Variants in PCDHGB4 observed in about 807,000 individuals in gnomAD.
The protein encoded by PCDHGB4 is protocadherin gamma-B4.
PCDHGB4 carries 38 observed loss-of-function variants against 60.5 expected under a neutral mutation model. The observed-to-expected ratio is 0.63, with a 90% CI of 0.48 to 0.82. The LOEUF (loss-of-function observed/expected upper bound fraction) is 0.82. Among genes scored for constraint, PCDHGB4 ranks in the 40% least tolerant of loss-of-function variants. The probability of loss-of-function intolerance (pLI) is 0.00; values close to 1 mark genes in which losing one functional copy is unlikely to be tolerated. For synonymous variants in PCDHGB4, 456 were observed against 509.7 expected (o/e 0.89, Z 1.42); for missense variants, 1,109 against 1,209.6 (o/e 0.92, Z 1.23).
chr5:141,477,211 C>G lies in PCDHGB4; in HGVS notation c.2398-17596C>G. 2 of 1,614,154 alleles carry G rather than the reference C, an allele frequency of 1.2e-6. No individual in the cohort carries two copies. Among genetic ancestry groups the G allele is most frequent in the Non-Finnish European group, 1.7e-6 (2 of 1,180,036 alleles). On this transcript the variant is annotated intron_variant, in intron 1 of 3. Transcript: ENST00000519479. The surrounding 1 kb of genome is among the most constrained non-coding windows in gnomAD (Gnocchi z 4.9). ...TGTACAGCCCAGTACCCGAGGATGC[C>G]CCTCTGGGGACTGTCATCGCTTTGC...
At chr5:141,398,633 A>C (rs749131705) in intron 1 of PCDHGB4, 4 of 1,613,946 alleles carry the variant, frequency 2.5e-6, no homozygotes, top group Non-Finnish European at 3.4e-6. Flanking sequence ...TCTCTGCAGA[A>C]GTATAAACTC....
intron 1 of PCDHGB4, chr5:141,426,986 C>T (rs764345099): frequency 1.8e-5 from 8 of 456,618 alleles, no homozygotes; most frequent in South Asian, 7.7e-5. Flanking sequence ...CTGATGCCAA[C>T]GATAATGCCC....
rs549266523 is a variant in PCDHGB4 at position 141,408,917 on chromosome 5, C to A, written c.2397+18636C>A. ...TTCTGTCAAGGATACCAATGATAAC[C>A]CCCCGGTTTTCAGCAGAGACGAATA... On this transcript the variant is annotated intron_variant, in intron 1 of 3. Coordinates refer to ENST00000519479, the MANE Select transcript of PCDHGB4 (RefSeq NM_003736.4). 12 of 1,613,366 alleles carry A rather than the reference C, an allele frequency of 7.4e-6. No homozygotes were observed. In the African/African-American group the frequency reaches 1.6e-4, roughly 22 times the overall value.
chr5:141,485,993 A>C lies in PCDHGB4; in HGVS notation c.2398-8814A>C. 6.2e-7 allele frequency: 1 copy of C among 1,614,210 alleles called. No homozygotes were observed. Among genetic ancestry groups the C allele is most frequent in the Non-Finnish European group, 8.5e-7 (1 of 1,180,028 alleles). On this transcript the variant is annotated intron_variant, in intron 1 of 3. Coordinates refer to ENST00000519479, the MANE Select transcript of PCDHGB4 (RefSeq NM_003736.4). The surrounding 1 kb of genome is among the most constrained non-coding windows in gnomAD (Gnocchi z 5.7). ...TGCCTCAGACCCGGACCTGGGTCCC[A>C]GTGGTAACGTCACCTTTTATTTCAG...
chr5:141,478,671 A>G (rs996413401), intron 1 of PCDHGB4: 19 of 1,551,538 alleles, frequency 1.2e-5, no homozygotes, highest in Non-Finnish European at 1.7e-5. Context: ...TCACACTTTC[A>G]ACTGGCCCTT....
chr5:141,417,613 G>A (rs984573855), intron 1 of PCDHGB4: 2 of 624,312 alleles, frequency 3.2e-6, no homozygotes, highest in African/African-American at 3.7e-5. Flanking sequence ...GTCGGCCAGT[G>A]CAGAGCAAGC....
chr5:141,409,416 T>G (rs770750853), intron 1 of PCDHGB4: 1 of 1,613,964 alleles, frequency 6.2e-7, no homozygotes, highest in South Asian at 1.1e-5. Flanking sequence ...TACAAACTGG[T>G]GACAGATGGA....
rs150106838 is a variant in PCDHGB4, at chr5:141,503,886, T to C, written c.2457-1507T>C. On this transcript the variant is annotated intron_variant, in intron 2 of 3. Coordinates refer to ENST00000519479, the MANE Select transcript of PCDHGB4 (RefSeq NM_003736.4). Reference sequence around the variant, plus strand: ...AGTTCTTGGTTGTGCTCACCCACCATGACAAAATATGCACACACACAACGC... The same window carrying C: ...AGTTCTTGGTTGTGCTCACCCACCACGACAAAATATGCACACACACAACGC... Among the ~76,000 whole-genome samples, 20 of 152,290 alleles carry C rather than the reference T, an allele frequency of 1.3e-4. No individual in the cohort carries two copies. The South Asian group carries it at 3.9e-3, about 30-fold the overall frequency.
intron 1 of PCDHGB4, among the ~76,000 whole-genome samples, chr5:141,437,781 A>G (rs957126405): frequency 7.3e-5 from 11 of 149,878 alleles, no homozygotes; most frequent in Admixed American, 6.7e-5. Flanking sequence ...ATCTGTCGCC[A>G]AGCTGGAGTG....
At chr5:141,503,598 C>CTAA (rs2099824827) in intron 2 of PCDHGB4, among the ~76,000 whole-genome samples, 2 of 65,752 alleles carry the variant, frequency 3.0e-5, no homozygotes, top group African/African-American at 9.3e-5. Flanking sequence ...GACTCCAGCT[C>CTAA]AAAAAAAAAA....
chr5:141,427,405 C>T (rs1209638263), intron 1 of PCDHGB4: 1 of 462,180 alleles, frequency 2.2e-6, no homozygotes, highest in East Asian at 6.8e-5. Context: ...GATAAAGATT[C>T]GAGAGAAAAT....
chr5:141,404,000 A>T (rs758512396), intron 1 of PCDHGB4: 2 of 1,613,956 alleles, frequency 1.2e-6, no homozygotes, highest in South Asian at 1.1e-5. Context: ...AGTGACCATT[A>T]CATCTCTGTT....
Position 141,387,890 on chromosome 5 carries a change from G to A in PCDHGB4, c.6G>A (p.Gly2=), listed in dbSNP as rs541321171. Residue 2 remains glycine, a synonymous_variant, in exon 1 of 4, where the codon GGG becomes GGA. Coordinates refer to ENST00000519479, the MANE Select transcript of PCDHGB4 (RefSeq NM_003736.4). ...AGCTGAGGAGAGCAAGAGGGATGGG[G>A]AGCGGCGCCGGGGAGCTGGGCCGGG... M[G]SGAGELGRAE... The A allele has an allele frequency of 1.9e-6, 3 of 1,554,976 alleles. No homozygotes were observed. The South Asian group carries it at 3.7e-5, about 19-fold the overall frequency.
chr5:141,392,745 G>A, intron 1 of PCDHGB4: 1 of 1,441,296 alleles, frequency 6.9e-7, no homozygotes, highest in African/African-American at 1.4e-5. Flanking sequence ...CCATAGCTGC[G>A]GCAAGAAACT....
intron 1 of PCDHGB4, chr5:141,441,621 G>C (rs2098260273): frequency 9.0e-6 from 2 of 223,292 alleles, no homozygotes; most frequent in Non-Finnish European, 1.8e-5. Flanking sequence ...CGTGGCCAGT[G>C]ACCTGGAGCC....
At chr5:141,395,053 A>G (rs1210765378) in intron 1 of PCDHGB4, 1 of 1,614,062 alleles carries the variant, frequency 6.2e-7, no homozygotes, top group African/African-American at 1.3e-5. Flanking sequence ...GAGGAGGTAC[A>G]GGCTTTCCTG....
chr5:141,475,542 G>A (rs1182059354), intron 1 of PCDHGB4, among the ~76,000 whole-genome samples: 1 of 152,174 alleles, frequency 6.6e-6, no homozygotes, highest in East Asian at 1.9e-4. Flanking sequence ...TTACAAGTAG[G>A]GTCCGGCTAA....
chr5:141,496,077 C>G (rs1269618753), intron 2 of PCDHGB4, among the ~76,000 whole-genome samples: 1 of 152,042 alleles, frequency 6.6e-6, no homozygotes, highest in African/African-American at 2.4e-5. Flanking sequence ...CACACACAAC[C>G]CCCCACCCAC....
chr5:141,495,412 G>A lies in PCDHGB4; in HGVS notation c.2456+547G>A, dbSNP rs188302135. 2.2e-4 allele frequency among the ~76,000 whole-genome samples: 33 copies of A among 152,284 alleles called. No homozygotes were observed. The East Asian group carries it at 6.4e-3, about 29-fold the overall frequency. ...GGCATGGAGCAGGCCCCCTTCTCCG[G>A]CCCCTCCTCCCACTGTCCTCTGCCC... On this transcript the variant is annotated intron_variant, in intron 2 of 3. Coordinates refer to ENST00000519479, the MANE Select transcript of PCDHGB4 (RefSeq NM_003736.4).
Sources: gnomAD v4.1 joint callset for allele counts (sites outside exome capture counted in the v4.1 genomes callset) on GRCh38, gnomAD v4.1.1 for gene constraint, Gnocchi (gnomAD v3.1) non-coding constraint, MANE v1.5 for transcripts, NCBI Gene and HGNC (gene_info 2026-07-23, HGNC 2026-07-21) for gene names.